Variants in IFITM5 observed in about 807,000 individuals in gnomAD.
IFITM5 encodes the protein interferon-induced transmembrane protein 5.
IFITM5 carries 10 observed loss-of-function variants against 9.2 expected under a neutral mutation model. The ratio of observed to expected loss-of-function variants is 1.09; its 90% CI spans 0.67 to 1.85. IFITM5 has a LOEUF of 1.85. IFITM5 is among the 40% of genes most tolerant of loss of function. The pLI, the probability that IFITM5 is intolerant of heterozygous loss-of-function variation, is 0.00. For synonymous variants in IFITM5, 93 were observed against 86.6 expected (o/e 1.07, Z -0.41); for missense variants, 225 against 182.6 (o/e 1.23, Z -1.34).
chr11:299,205 C>CGGCA lies in IFITM5; in HGVS notation c.186+96_186+99dup, dbSNP rs1845900175. The CGGCA allele has an allele frequency of 3.0e-6, 3 of 1,012,428 alleles. No individual in the cohort carries two copies. In the South Asian group the frequency reaches 5.2e-5, roughly 18 times the overall value. The allele number at this position is 1,012,428 out of a possible 1,614,324, so 62.7% of individuals were successfully genotyped here. A position where few individuals can be genotyped will look rare whatever the true frequency, so the allele number is the denominator to read the frequency against. On this transcript the variant is annotated intron_variant, in intron 1 of 1. Coordinates refer to ENST00000382614, the MANE Select transcript of IFITM5 (RefSeq NM_001025295.3). ...GCAGAGCCCCCCGCGGCCCCCAGCA[C>CGGCA]GGCAAGGACCCCCCACGGAGCTCCC...
In IFITM5 at chr11:299,274, C is replaced by T. The variant is rs200332496; in HGVS notation, c.186+31G>A. On this transcript the variant is annotated intron_variant, in intron 1 of 1. Coordinates refer to ENST00000382614, the MANE Select transcript of IFITM5 (RefSeq NM_001025295.3). ...CCACCTTGATGGAGTAGTGGAGCCT[C>T]CCCCGCAACCTCGGTAGGGCCCCTG... 3 of 1,524,710 alleles carry T rather than the reference C, an allele frequency of 2.0e-6. No individual in the cohort carries two copies. In the East Asian group the frequency reaches 7.5e-5, roughly 38 times the overall value. The allele number at this position is 1,524,710 out of a possible 1,614,324, so 94.4% of individuals were successfully genotyped here. A position where few individuals can be genotyped will look rare whatever the true frequency, so the allele number is the denominator to read the frequency against.
chr11:299,238 C>T (rs1845900832), intron 1 of IFITM5, 67 bp downstream of exon 1: 5 of 1,263,226 alleles, frequency 4.0e-6, no homozygotes, highest in Non-Finnish European at 5.4e-6. Flanking sequence ...CCCCATCCCT[C>T]CCCCTTCCCC....
chr11:298,825 G>T, intron 1 of IFITM5, 112 bp from the exon 2 acceptor site: 2 of 1,029,696 alleles, frequency 1.9e-6, no homozygotes, highest in Non-Finnish European at 1.4e-6. Flanking sequence ...CCCAAAATCT[G>T]GATGGAGGGG....
At position 299,517 on chromosome 11, in the gene IFITM5, T is replaced by A; in HGVS notation, c.-27A>T. The A allele has an allele frequency of 6.9e-7, 1 of 1,441,660 alleles. No individual in the cohort carries two copies. The highest frequency in any genetic ancestry group is 9.1e-7 in the Non-Finnish European group (1 of 1,096,430). The allele number at this position is 1,441,660 out of a possible 1,614,324, so 89.3% of individuals were successfully genotyped here. Reference sequence around the variant, plus strand: ...GGTTCCAGCGCCGTCTCTTCCACACTCAGACTGGTGCTGGGAGGGTGGGCA... The same window carrying A: ...GGTTCCAGCGCCGTCTCTTCCACACACAGACTGGTGCTGGGAGGGTGGGCA... On this transcript the variant is annotated 5_prime_UTR_variant, in exon 1 of 2. Coordinates refer to ENST00000382614, the MANE Select transcript of IFITM5 (RefSeq NM_001025295.3).
intron 1 of IFITM5, among the ~76,000 whole-genome samples, chr11:299,054 C>T (rs974621568): frequency 6.6e-6 from 1 of 152,148 alleles, no homozygotes; most frequent in Non-Finnish European, 1.5e-5. Context: ...GTGGGTGCCT[C>T]CCAATGGCCT....
chr11:298,263 A>G lies in IFITM5; in HGVS notation c.*238T>C, dbSNP rs1452910282. The stretch of plus-strand genomic sequence containing the variant: ...GCCTGGAGTGTGAGGAGGGAGGGGC[A>G]GGATCGGGGGCAGAGTTAGGGCCCG... On this transcript the variant is annotated 3_prime_UTR_variant, in exon 2 of 2. Coordinates refer to ENST00000382614, the MANE Select transcript of IFITM5 (RefSeq NM_001025295.3). 2 of 562,286 alleles carry G rather than the reference A, an allele frequency of 3.6e-6. No homozygotes were observed. The highest frequency in any genetic ancestry group is 6.4e-6 in the Non-Finnish European group (2 of 313,652). 34.8% of individuals were successfully genotyped at this position (562,286 alleles called of 1,614,324 possible). A position where few individuals can be genotyped will look rare whatever the true frequency, so the allele number is the denominator to read the frequency against.
intron 1 of IFITM5, among the ~76,000 whole-genome samples, chr11:299,041 T>C (rs1845897783): frequency 6.6e-6 from 1 of 151,892 alleles, no homozygotes; most frequent in African/African-American, 2.4e-5. Context: ...TGCAGAGACC[T>C]CTGTGGGTGC....
rs1845892635 is a variant in IFITM5, at chr11:298,637, A to G, written c.263T>C (p.Leu88Pro). The change falls in exon 2 of 2, where the codon CTG (leucine) becomes CCG (proline). Residue 88 changes from leucine (L) to proline (P), a missense_variant. Coordinates refer to ENST00000382614, the MANE Select transcript of IFITM5 (RefSeq NM_001025295.3). ...FGSKAKCYNILAAMWTLVPPL... is the reference protein window; with the variant it reads ...FGSKAKCYNIPAAMWTLVPPL... Reference sequence around the variant, plus strand: ...CGGCACCAGCGTCCACATCGCGGCCAGGATGTTGTAGCACTTGGCTTTGGA... The same window carrying G: ...CGGCACCAGCGTCCACATCGCGGCCGGGATGTTGTAGCACTTGGCTTTGGA... 9 of 1,613,640 alleles carry G rather than the reference A, an allele frequency of 5.6e-6. No homozygotes were observed. Among genetic ancestry groups the G allele is most frequent in the African/African-American group, 1.3e-5 (1 of 75,076 alleles).
In IFITM5 at chr11:299,400, G is replaced by A. The variant is rs146230729; in HGVS notation, c.91C>T (p.Pro31Ser). 1.9e-6 allele frequency: 3 copies of A among 1,571,524 alleles called. No homozygotes were observed. The highest frequency in any genetic ancestry group is 2.4e-5 in the East Asian group (1 of 42,152). Residue 31 changes from proline to serine, a missense_variant, in exon 1 of 2, where the codon CCC becomes TCC. By Grantham distance (74) the Pro-to-Ser change is moderately conservative. Coordinates refer to ENST00000382614, the MANE Select transcript of IFITM5 (RefSeq NM_001025295.3). ...CAGATCAAGTGGTCTCGAGGCGGGG[G>A]GTGCGGGGCCCCCAGTGTGAGGGCT... ...HTALTLGAPH[P>S]PPRDHLIWSV... is the part of the protein sequence containing the mutation.
At chr11:298,835 G>A in intron 1 of IFITM5, 122 bp from the exon 2 acceptor site, 2 of 966,210 alleles carry the variant, frequency 2.1e-6, no homozygotes, top group Non-Finnish European at 3.1e-6. Flanking sequence ...GGATGGAGGG[G>A]TGTGGCCTGA....
chr11:298,321 T>C lies in IFITM5; in HGVS notation c.*180A>G, dbSNP rs938131072. On this transcript the variant is annotated 3_prime_UTR_variant, in exon 2 of 2. Transcript: ENST00000382614. ...TCGGGTTAGGGTGAAGACCCCGGGG[T>C]CTGACTGGTTCAGCCTTAGGTGCCC... is the stretch of plus-strand genomic sequence containing the variant. 9.2e-6 allele frequency: 6 copies of C among 649,240 alleles called. No individual in the cohort carries two copies. The highest frequency in any genetic ancestry group is 1.6e-5 in the Non-Finnish European group (6 of 381,626). The allele number at this position is 649,240 out of a possible 1,614,324, so 40.2% of individuals were successfully genotyped here. A position where few individuals can be genotyped will look rare whatever the true frequency, so the allele number is the denominator to read the frequency against.
chr11:298,410 G>A lies in IFITM5; in HGVS notation c.*91C>T. ...GGGATGGAGGCCCCACAGAAGGAGG[G>A]CCAGGCTCCGGGGAGTCAGTATTGG... On this transcript the variant is annotated 3_prime_UTR_variant, in exon 2 of 2. Transcript: ENST00000382614. 1 of 1,380,316 alleles carries A rather than the reference G, an allele frequency of 7.2e-7. No individual in the cohort carries two copies. Among genetic ancestry groups the A allele is most frequent in the African/African-American group, 1.4e-5 (1 of 69,570 alleles). 85.5% of individuals were successfully genotyped at this position (1,380,316 alleles called of 1,614,324 possible). A position where few individuals can be genotyped will look rare whatever the true frequency, so the allele number is the denominator to read the frequency against.
Position 298,728 on chromosome 11 carries a change from G to C in IFITM5, c.187-15C>G. On this transcript the variant is annotated splice_polypyrimidine_tract_variant and intron_variant, in intron 1 of 1. Transcript: ENST00000382614. ...TGATCTCGGGCCTGCAGAGAGACCA[G>C]ACCACAGGGCCAGATCTCTATGTGT... The C allele has an allele frequency of 6.2e-7, 1 of 1,610,956 alleles. No individual in the cohort carries two copies. Among genetic ancestry groups the C allele is most frequent in the South Asian group, 1.1e-5 (1 of 90,826 alleles).
intron 1 of IFITM5, 60 bp downstream of exon 1, chr11:299,245 C>T (rs1845900944): frequency 3.7e-6 from 4 of 1,089,826 alleles, no homozygotes; most frequent in African/African-American, 1.7e-5. Context: ...CCTCCCCCTT[C>T]CCCCCACCTT....
At position 298,332 on chromosome 11, in the gene IFITM5, C is replaced by T; in HGVS notation, c.*169G>A. Reference sequence around the variant, plus strand: ...TGAAGACCCCGGGGTCTGACTGGTTCAGCCTTAGGTGCCCATGTTGGGGCT... The same window carrying T: ...TGAAGACCCCGGGGTCTGACTGGTTTAGCCTTAGGTGCCCATGTTGGGGCT... On this transcript the variant is annotated 3_prime_UTR_variant, in exon 2 of 2. Transcript: ENST00000382614. 1 of 703,950 alleles carries T rather than the reference C, an allele frequency of 1.4e-6. No homozygotes were observed. Among genetic ancestry groups the T allele is most frequent in the East Asian group, 2.7e-5 (1 of 36,786 alleles). The allele number at this position is 703,950 out of a possible 1,614,324, so 43.6% of individuals were successfully genotyped here.
intron 1 of IFITM5, 44 bp downstream of exon 1, chr11:299,261 A>C: frequency 2.9e-5 from 19 of 656,742 alleles, no homozygotes; most frequent in East Asian, 5.7e-5. Flanking sequence ...ACCTTGATGG[A>C]GTAGTGGAGC....
At chr11:299,195 G>A in intron 1 of IFITM5, 110 bp downstream of exon 1, 1 of 878,948 alleles carries the variant, frequency 1.1e-6, no homozygotes. Flanking sequence ...GCCCCCCGCG[G>A]CCCCCAGCAC....
Position 298,775 on chromosome 11 carries a change from C to T in IFITM5, c.187-62G>A, listed in dbSNP as rs1267449389. The T allele has an allele frequency of 2.0e-6, 3 of 1,479,244 alleles. No individual in the cohort carries two copies. The African/African-American group carries it at 4.2e-5, about 21-fold the overall frequency. 91.6% of individuals were successfully genotyped at this position (1,479,244 alleles called of 1,614,324 possible). On this transcript the variant is annotated intron_variant, in intron 1 of 1. Coordinates refer to ENST00000382614, the MANE Select transcript of IFITM5 (RefSeq NM_001025295.3). ...GTGTCCTCGGGGCCTGGGGGCCCTT[C>T]CCCACCCACACCCTGGGCACCTGGA...
intron 1 of IFITM5, 112 bp downstream of exon 1, chr11:299,193 C>CTTGGAAGGCTACGGCCGGGCAGTGGCAGA: frequency 1.2e-6 from 1 of 856,692 alleles, no homozygotes; most frequent in Admixed American, 3.2e-5. Flanking sequence ...GAGCCCCCCG[C>CTTGGAAGGCTACGGCCGGGCAGTGGCAGA]GGCCCCCAGC....
Sources: allele counts gnomAD v4.1 joint callset (sites outside exome capture counted in the v4.1 genomes callset), GRCh38; gene constraint gnomAD v4.1.1; transcripts MANE v1.5; gene names NCBI Gene and HGNC (gene_info 2026-07-23, HGNC 2026-07-21).